Variants in MEMO1 observed in about 807,000 individuals in gnomAD.
The protein encoded by MEMO1 is protein MEMO1.
In MEMO1, 6 loss-of-function variants were observed where a neutral mutation model predicts 45.2. The observed-to-expected ratio is 0.13, with a 90% CI of 0.07 to 0.26. The LOEUF is 0.26. Ranked by LOEUF, MEMO1 falls within the 10% of genes least tolerant of loss-of-function variation. The pLI, the probability that MEMO1 is intolerant of heterozygous loss-of-function variation, is 1.00. For missense variants in MEMO1, 184 were observed against 370.5 expected (o/e 0.50, Z 4.13); for synonymous variants, 78 against 124.3 (o/e 0.63, Z 2.48).
chr2:31,999,989 G>T (rs962252612), intron 2 of MEMO1, among the ~76,000 whole-genome samples: 2 of 149,170 alleles, frequency 1.3e-5, no homozygotes, highest in African/African-American at 5.0e-5. Flanking sequence ...CAATCCTCCT[G>T]CCTCAGCCTC....
In MEMO1 at chr2:31,914,318, T is replaced by C. The variant is rs551617901; in HGVS notation, c.437+3608A>G. On this transcript the variant is annotated intron_variant, in intron 6 of 9. Transcript: ENST00000404530. ...ATCAAAGCAACTGAATTCACAGACG[T>C]GGAGAGTAGAAGGATGATTACCAGA... Among the ~76,000 whole-genome samples the C allele has an allele frequency of 5.9e-5, 9 of 151,826 alleles. No homozygotes were observed. The South Asian group carries it at 1.9e-3, about 32-fold the overall frequency.
chr2:31,889,828 A>G (rs986680999), intron 7 of MEMO1, among the ~76,000 whole-genome samples: 3 of 152,128 alleles, frequency 2.0e-5, no homozygotes, highest in Non-Finnish European at 2.9e-5. Context: ...GAACACTTGA[A>G]AAGTTCTACT....
At chr2:31,940,695 T>C (rs1344667274) in intron 3 of MEMO1, among the ~76,000 whole-genome samples, 1 of 152,122 alleles carries the variant, frequency 6.6e-6, no homozygotes, top group African/African-American at 2.4e-5. Context: ...TTGCATCCCA[T>C]CACATCCAGC....
chr2:31,903,985 C>G (rs1572629293), intron 6 of MEMO1, among the ~76,000 whole-genome samples: 1 of 152,056 alleles, frequency 6.6e-6, no homozygotes, highest in African/African-American at 2.4e-5. Flanking sequence ...ATTTGAAGAC[C>G]TTCATTGAGG....
Position 31,963,025 on chromosome 2 carries a change from C to G in MEMO1, c.62-19642G>C, listed in dbSNP as rs1468533101. On this transcript the variant is annotated intron_variant, in intron 2 of 9. Transcript: ENST00000404530. ...AATTCCTCCTGACTAAGCCTTCAAG[C>G]AACAACATCAGATTTCTTCTGCCTT... The G allele has an allele frequency of 2.5e-6, 3 of 1,189,122 alleles. No homozygotes were observed. In the East Asian group the frequency reaches 8.0e-5, roughly 32 times the overall value. The allele number at this position is 1,189,122 out of a possible 1,614,324, so 73.7% of individuals were successfully genotyped here. A position where few individuals can be genotyped will look rare whatever the true frequency, so the allele number is the denominator to read the frequency against.
chr2:31,922,844 T>C (rs1315642673), intron 4 of MEMO1, among the ~76,000 whole-genome samples: 1 of 152,124 alleles, frequency 6.6e-6, no homozygotes, highest in Non-Finnish European at 1.5e-5. Context: ...AGTGTATATA[T>C]GTACCACATT....
intron 8 of MEMO1, among the ~76,000 whole-genome samples, chr2:31,876,398 C>T (rs1255419926): frequency 1.3e-5 from 2 of 152,188 alleles, no homozygotes; most frequent in Non-Finnish European, 2.9e-5. Flanking sequence ...CATTTACCAT[C>T]ATTTACCTTT....
At chr2:31,877,493 C>T (rs905031642) in intron 8 of MEMO1, among the ~76,000 whole-genome samples, 2 of 152,126 alleles carry the variant, frequency 1.3e-5, no homozygotes, top group East Asian at 3.8e-4. Context: ...ACATTAATTC[C>T]ACTTCATATA....
chr2:31,994,764 A>G (rs1191837505), intron 2 of MEMO1, among the ~76,000 whole-genome samples: 1 of 152,036 alleles, frequency 6.6e-6, no homozygotes. Context: ...ACTGGACAAC[A>G]TGGCAAAAAC....
chr2:31,963,140 C>T (rs1432947748), intron 2 of MEMO1: 1 of 1,514,646 alleles, frequency 6.6e-7, no homozygotes, highest in Admixed American at 2.1e-5. Context: ...TCTCCCATTT[C>T]TTAGGGCTTC....
intron 6 of MEMO1, among the ~76,000 whole-genome samples, chr2:31,901,360 G>A (rs1365879736): frequency 2.0e-5 from 2 of 100,002 alleles, no homozygotes; most frequent in Non-Finnish European, 3.6e-5. Context: ...GCGAAAGAGT[G>A]AGACTCTGTC....
chr2:31,964,399 T>C (rs1050511843), intron 2 of MEMO1, among the ~76,000 whole-genome samples: 2 of 152,192 alleles, frequency 1.3e-5, no homozygotes, highest in East Asian at 3.9e-4. Flanking sequence ...AAAGAAATTA[T>C]AAAAATCACC....
intron 2 of MEMO1, among the ~76,000 whole-genome samples, chr2:31,997,780 G>C (rs1468563946): frequency 6.6e-6 from 1 of 152,186 alleles, no homozygotes; most frequent in Non-Finnish European, 1.5e-5. Context: ...ATGTGGTTAT[G>C]TAATTGGGGG....
intron 2 of MEMO1, among the ~76,000 whole-genome samples, chr2:31,945,965 G>T (rs1431231490): frequency 6.6e-6 from 1 of 152,212 alleles, no homozygotes; most frequent in Non-Finnish European, 1.5e-5. Flanking sequence ...TTGGCTAGAT[G>T]TAAGGGTGAG....
chr2:31,983,143 C>T (rs1558553390), intron 2 of MEMO1, among the ~76,000 whole-genome samples: 1 of 151,848 alleles, frequency 6.6e-6, no homozygotes, highest in Non-Finnish European at 1.5e-5. Context: ...CGCCTGTAGT[C>T]CCAGCTACTC....
rs532591310 is a variant in MEMO1 at position 31,931,672 on chromosome 2, C to T, written c.212+395G>A. Among the ~76,000 whole-genome samples, 5 of 151,934 alleles carry T rather than the reference C, an allele frequency of 3.3e-5. No individual in the cohort carries two copies. The South Asian group carries it at 8.3e-4, about 25-fold the overall frequency. Reference sequence around the variant, plus strand: ...TATTTCAAATACCTTATCCTGTCAACGAGAAATTATCCTTTCAGTAACCAC... The same window carrying T: ...TATTTCAAATACCTTATCCTGTCAATGAGAAATTATCCTTTCAGTAACCAC... On this transcript the variant is annotated intron_variant, in intron 4 of 9. Transcript: ENST00000404530.
chr2:32,006,461 A>G (rs1180073951), intron 2 of MEMO1, among the ~76,000 whole-genome samples: 1 of 152,210 alleles, frequency 6.6e-6, no homozygotes, highest in Non-Finnish European at 1.5e-5. Flanking sequence ...AATTTTTTCT[A>G]TGAAGAGCCA....
At chr2:31,872,821 A>C (rs527286140) in intron 8 of MEMO1, among the ~76,000 whole-genome samples, 1 of 152,310 alleles carries the variant, frequency 6.6e-6, no homozygotes, top group African/African-American at 2.4e-5. Flanking sequence ...CCTCTTTATA[A>C]GGAAAGATGG....
chr2:31,877,135 T>C (rs943483527), intron 8 of MEMO1, among the ~76,000 whole-genome samples: 2 of 152,196 alleles, frequency 1.3e-5, no homozygotes, highest in African/African-American at 2.4e-5. Flanking sequence ...CAACTGTATA[T>C]ATTGTGTGCC....
Sources: gnomAD v4.1 joint callset for allele counts (sites outside exome capture counted in the v4.1 genomes callset) on GRCh38, gnomAD v4.1.1 for gene constraint, MANE v1.5 for transcripts, NCBI Gene and HGNC (gene_info 2026-07-23, HGNC 2026-07-21) for gene names.